Variants in EIF2AK2 observed in about 807,000 individuals in gnomAD.
EIF2AK2 encodes the protein interferon-induced, double-stranded RNA-activated protein kinase.
In EIF2AK2, 40 loss-of-function variants were observed where a neutral mutation model predicts 70.5. That is an observed-to-expected ratio of 0.57 (90% CI 0.44 to 0.74). The LOEUF (loss-of-function observed/expected upper bound fraction) is 0.74. Ranked by LOEUF, EIF2AK2 falls within the 30% of genes least tolerant of loss-of-function variation. EIF2AK2 has a pLI of 0.00. For synonymous variants in EIF2AK2, 198 were observed against 220.9 expected (o/e 0.90, Z 0.92); for missense variants, 555 against 644.3 (o/e 0.86, Z 1.50).
Position 37,119,950 on chromosome 2 carries a change from T to C in EIF2AK2, c.1248+9A>G. ...ATATATCAATTAATAAAGTACATTTTCCACTTACCTTAAGATCTCTATGAA... is the reference window on the plus strand; with the variant it reads ...ATATATCAATTAATAAAGTACATTTCCCACTTACCTTAAGATCTCTATGAA... On this transcript the variant is annotated intron_variant, in intron 13 of 16. Transcript: ENST00000233057. 13 of 1,359,014 alleles carry C rather than the reference T, an allele frequency of 9.6e-6. No individual in the cohort carries two copies. The highest frequency in any genetic ancestry group is 1.1e-5 in the Non-Finnish European group (11 of 1,031,532). The allele number at this position is 1,359,014 out of a possible 1,614,324, so 84.2% of individuals were successfully genotyped here.
Position 37,103,956 on chromosome 2 carries a change from T to G in EIF2AK2, c.*3317A>C, listed in dbSNP as rs1673891380. On this transcript the variant is annotated 3_prime_UTR_variant, in exon 17 of 17. Coordinates refer to ENST00000233057, the MANE Select transcript of EIF2AK2 (RefSeq NM_001135651.3). ...GAGTTCAAAACCAGCTGGGTCAACATGGTGAAATTCCGTCTCTACTAAAAA... is the reference window on the plus strand; with the variant it reads ...GAGTTCAAAACCAGCTGGGTCAACAGGGTGAAATTCCGTCTCTACTAAAAA... 1 of 152,192 alleles carries G rather than the reference T, an allele frequency of 6.6e-6. No homozygotes were observed. The highest frequency in any genetic ancestry group is 2.4e-5 in the African/African-American group (1 of 41,434). 9.4% of individuals were successfully genotyped at this position (152,192 alleles called of 1,614,324 possible). A position where few individuals can be genotyped will look rare whatever the true frequency, so the allele number is the denominator to read the frequency against.
chr2:37,121,926 T>C (rs1446512564), intron 12 of EIF2AK2, among the ~76,000 whole-genome samples: 1 of 152,316 alleles, frequency 6.6e-6, no homozygotes, highest in East Asian at 1.9e-4. Flanking sequence ...CAAAGACAGA[T>C]GCCAGCTCTT....
intron 4 of EIF2AK2, among the ~76,000 whole-genome samples, chr2:37,144,495 C>T (rs1477999952): frequency 1.3e-5 from 2 of 152,006 alleles, no homozygotes; most frequent in Admixed American, 6.6e-5. Flanking sequence ...TCCAGAGGGA[C>T]AAAATCTGGA....
At chr2:37,118,253 G>A (rs1674415456) in intron 13 of EIF2AK2, among the ~76,000 whole-genome samples, 1 of 152,088 alleles carries the variant, frequency 6.6e-6, no homozygotes, top group Non-Finnish European at 1.5e-5. Flanking sequence ...GGTCAAGGCT[G>A]TAATGAGCCG....
intron 13 of EIF2AK2, among the ~76,000 whole-genome samples, 181 bp from the exon 14 acceptor site, chr2:37,115,040 G>A (rs1178814832): frequency 1.3e-5 from 2 of 149,466 alleles, no homozygotes; most frequent in African/African-American, 2.4e-5. Flanking sequence ...AAGAAGTCAG[G>A]ATTTCTTTTT....
chr2:37,150,185 G>A (rs990015401), intron 1 of EIF2AK2, among the ~76,000 whole-genome samples: 53 of 148,760 alleles, frequency 3.6e-4, no homozygotes, highest in Non-Finnish European at 5.8e-4. Flanking sequence ...AGCATTTAAT[G>A]TGAATACAGA....
Position 37,111,690 on chromosome 2 carries a change from C to CA in EIF2AK2, c.1378-2396dup, listed in dbSNP as rs752090254. Among the ~76,000 whole-genome samples, 272 of 142,454 alleles carry CA rather than the reference C, an allele frequency of 1.9e-3. 1 individual carries two copies. Among genetic ancestry groups the CA allele is most frequent in the Non-Finnish European group, 3.5e-3 (232 of 66,192 alleles). The allele number at this position is 142,454 out of a possible 152,430, so 93.5% of individuals were successfully genotyped here. ...GCAACATGGTGAAACCCAGTCTCTA[C>CA]AAAAAATACAAAAAAAAATTAGCCA... On this transcript the variant is annotated intron_variant, in intron 14 of 16. Coordinates refer to ENST00000233057, the MANE Select transcript of EIF2AK2 (RefSeq NM_001135651.3).
chr2:37,143,551 AT>A (rs1049361468), intron 4 of EIF2AK2, among the ~76,000 whole-genome samples: 1 of 152,016 alleles, frequency 6.6e-6, no homozygotes, highest in African/African-American at 2.4e-5. Flanking sequence ...ATATATGCAG[AT>A]TTTTTTTCTT....
intron 15 of EIF2AK2, 122 bp from the exon 16 acceptor site, chr2:37,107,649 A>G (rs1024173893): frequency 8.6e-6 from 9 of 1,050,224 alleles, no homozygotes; most frequent in African/African-American, 1.6e-5. Flanking sequence ...AAGTCTCTTT[A>G]GCCAAGAAGC....
chr2:37,123,915 C>T (rs1444494658), intron 11 of EIF2AK2, among the ~76,000 whole-genome samples: 2 of 150,144 alleles, frequency 1.3e-5, no homozygotes, highest in Admixed American at 1.3e-4. Context: ...CACAAATTTG[C>T]AAAAATAAAA....
At chr2:37,114,450 CACAAAATA>C (rs1254123225) in intron 14 of EIF2AK2, among the ~76,000 whole-genome samples, 1 of 151,914 alleles carries the variant, frequency 6.6e-6, no homozygotes, top group Non-Finnish European at 1.5e-5. Flanking sequence ...GCTATATAGT[CACAAAATA>C]ACAAAATAAG....
rs555797681 is a variant in EIF2AK2, at chr2:37,153,801, A to G, written c.-184+3107T>C. On this transcript the variant is annotated intron_variant, in intron 1 of 16. Coordinates refer to ENST00000233057, the MANE Select transcript of EIF2AK2 (RefSeq NM_001135651.3). ...TGCTGCTGTGAACACTGGTATACATATATCTGTTTAAGTCCCTACTTCTGA... is the reference window on the plus strand; with the variant it reads ...TGCTGCTGTGAACACTGGTATACATGTATCTGTTTAAGTCCCTACTTCTGA... Among the ~76,000 whole-genome samples the G allele has an allele frequency of 1.9e-3, 295 of 152,276 alleles. 3 individuals carry two copies. The highest frequency in any genetic ancestry group is 6.9e-3 in the African/African-American group (288 of 41,554).
intron 9 of EIF2AK2, among the ~76,000 whole-genome samples, chr2:37,136,122 T>C (rs899379615): frequency 5.3e-5 from 8 of 152,204 alleles, no homozygotes; most frequent in Middle Eastern, 3.2e-3. Context: ...TAGCTGTTAT[T>C]CCTTACTGAT....
chr2:37,147,469 C>A (rs529336369), intron 3 of EIF2AK2, among the ~76,000 whole-genome samples: 167 of 119,104 alleles, frequency 1.4e-3, no homozygotes, highest in African/African-American at 3.6e-3. Context: ...CCCCTCCCCC[C>A]ACCCCACAAC....
intron 4 of EIF2AK2, among the ~76,000 whole-genome samples, chr2:37,142,719 CA>C (rs1258511829): frequency 6.6e-6 from 1 of 152,002 alleles, no homozygotes; most frequent in African/African-American, 2.4e-5. Flanking sequence ...TAAATTTTCC[CA>C]ACATTTTCCA....
intron 10 of EIF2AK2, among the ~76,000 whole-genome samples, chr2:37,133,646 C>T (rs1192638570): frequency 6.6e-6 from 1 of 152,224 alleles, no homozygotes; most frequent in Admixed American, 6.5e-5. Context: ...TTCAGCCTCT[C>T]TTGTGTCTCC....
intron 11 of EIF2AK2, among the ~76,000 whole-genome samples, chr2:37,123,885 A>G (rs1169393089): frequency 1.3e-5 from 2 of 152,246 alleles, no homozygotes; most frequent in African/African-American, 2.4e-5. Context: ...TTTTAATGCA[A>G]GAAGTTTTAA....
At chr2:37,153,367 G>A (rs527517618) in intron 1 of EIF2AK2, among the ~76,000 whole-genome samples, 1 of 70,630 alleles carries the variant, frequency 1.4e-5, no homozygotes, top group Non-Finnish European at 3.7e-5. Context: ...TTGAGACAGG[G>A]TCTCGCTCTG....
chr2:37,133,473 C>A (rs1410804350), intron 10 of EIF2AK2, among the ~76,000 whole-genome samples: 1 of 152,128 alleles, frequency 6.6e-6, no homozygotes, highest in Non-Finnish European at 1.5e-5. Context: ...AGCCCTACCC[C>A]CAATTCCCCC....
Sources: allele counts gnomAD v4.1 joint callset (sites outside exome capture counted in the v4.1 genomes callset), GRCh38; gene constraint gnomAD v4.1.1; transcripts MANE v1.5; gene names NCBI Gene and HGNC (gene_info 2026-07-23, HGNC 2026-07-21).